Variants in TMBIM4 observed in about 807,000 individuals in gnomAD.
TMBIM4 encodes the protein transmembrane BAX inhibitor motif containing 4.
In TMBIM4, 28 loss-of-function variants were observed where a neutral mutation model predicts 27.7. That is an observed-to-expected ratio of 1.01 (90% CI 0.75 to 1.38). TMBIM4 has a LOEUF of 1.38. Among genes scored for constraint, TMBIM4 ranks in the 40% most tolerant of loss-of-function variants. The probability of loss-of-function intolerance (pLI) is 0.00; values close to 1 mark genes in which losing one functional copy is unlikely to be tolerated. For missense variants in TMBIM4, 265 were observed against 277.5 expected, an observed-to-expected ratio of 0.95 and a Z score of 0.32; for synonymous variants, 115 against 113.1, an observed-to-expected ratio of 1.02 and a Z score of -0.11.
chr12:66,139,725 C>A (rs1430688767), intron 5 of TMBIM4: 2 of 456,042 alleles, frequency 4.4e-6, no homozygotes, highest in Non-Finnish European at 8.8e-6. Context: ...CCCCTAGAGT[C>A]TGTAGCTACA....
Position 66,153,448 on chromosome 12 carries a change from G to T in TMBIM4, c.98C>A (p.Ala33Asp). The T allele has an allele frequency of 1.3e-6, 2 of 1,529,060 alleles. No individual in the cohort carries two copies. Among genetic ancestry groups the T allele is most frequent in the Non-Finnish European group, 1.8e-6 (2 of 1,128,934 alleles). The allele number at this position is 1,529,060 out of a possible 1,614,324, so 94.7% of individuals were successfully genotyped here. A position where few individuals can be genotyped will look rare whatever the true frequency, so the allele number is the denominator to read the frequency against. Residue 33 changes from alanine to aspartate, a missense_variant and splice_region_variant, in exon 2 of 7, where the codon GCC (alanine) becomes GAC (aspartate). Coordinates refer to ENST00000358230, the MANE Select transcript of TMBIM4 (RefSeq NM_016056.4). ...VASATVHIRM[A>D]FLRKVYSILS... ...AATGCTGTAGACTTTTCTCAGAAAGGCTAAAAGAGAAAAAAAATTACATTA... is the reference window on the plus strand; with the variant it reads ...AATGCTGTAGACTTTTCTCAGAAAGTCTAAAAGAGAAAAAAAATTACATTA...
At chr12:66,152,198 T>A (rs981863804) in intron 3 of TMBIM4, 73 bp downstream of exon 3, 4 of 757,488 alleles carry the variant, frequency 5.3e-6, no homozygotes, top group Non-Finnish European at 8.0e-6. Flanking sequence ...CGTTGTTATA[T>A]ATGTATTATA....
intron 1 of TMBIM4, among the ~76,000 whole-genome samples, chr12:66,160,543 AAC>A (rs2052017727): frequency 6.6e-6 from 1 of 152,238 alleles, no homozygotes; most frequent in Non-Finnish European, 1.5e-5. Context: ...AAACTAGCTT[AAC>A]AGACTATATC....
chr12:66,166,256 C>T (rs945276413), intron 1 of TMBIM4, among the ~76,000 whole-genome samples: 4 of 151,834 alleles, frequency 2.6e-5, no homozygotes, highest in African/African-American at 4.8e-5. Context: ...CTTGAGCCCA[C>T]GAGTTTGAGA....
At position 66,142,614 on chromosome 12, in the gene TMBIM4, C is replaced by CT. The variant is rs1367891281; in HGVS notation, c.464+3226dup. Among the ~76,000 whole-genome samples, 5 of 151,976 alleles carry CT rather than the reference C, an allele frequency of 3.3e-5. 1 individual carries two copies. In the South Asian group the frequency reaches 8.3e-4, roughly 25 times the overall value. On this transcript the variant is annotated intron_variant, in intron 5 of 6. Coordinates refer to ENST00000358230, the MANE Select transcript of TMBIM4 (RefSeq NM_016056.4). ...GAACCTTGAATTTAGGGAAGCAAGT[C>CT]TTTTTTATAATGGAAAGTAAACATG... is the stretch of plus-strand genomic sequence containing the variant.
chr12:66,150,939 T>C (rs2051835219), intron 3 of TMBIM4, among the ~76,000 whole-genome samples: 1 of 152,236 alleles, frequency 6.6e-6, no homozygotes, highest in Non-Finnish European at 1.5e-5. Flanking sequence ...TCATCATTTC[T>C]GGAATCTTCC....
intron 1 of TMBIM4, among the ~76,000 whole-genome samples, chr12:66,162,242 C>T (rs1447494317): frequency 6.6e-6 from 1 of 152,124 alleles, no homozygotes; most frequent in African/African-American, 2.4e-5. Flanking sequence ...TCAGTTACCC[C>T]ACAGTCAACT....
chr12:66,159,462 A>G (rs2051998878), intron 1 of TMBIM4, among the ~76,000 whole-genome samples: 1 of 152,060 alleles, frequency 6.6e-6, no homozygotes, highest in Admixed American at 6.5e-5. Context: ...TCTTGACTGG[A>G]GCCTCCAGTC....
chr12:66,162,077 T>TAA (rs11438402), intron 1 of TMBIM4, among the ~76,000 whole-genome samples: 348 of 148,082 alleles, frequency 2.4e-3, no homozygotes, highest in Non-Finnish European at 3.7e-3. Flanking sequence ...CCAACATCAC[T>TAA]AAAAAAAAAA....
chr12:66,150,090 A>AT (rs1245330556), intron 3 of TMBIM4, among the ~76,000 whole-genome samples: 1 of 152,226 alleles, frequency 6.6e-6, no homozygotes, highest in Non-Finnish European at 1.5e-5. Context: ...GCCTATAAGC[A>AT]TTTGGTTGAT....
intron 3 of TMBIM4, among the ~76,000 whole-genome samples, chr12:66,152,018 G>C (rs1047921334): frequency 6.6e-6 from 1 of 152,104 alleles, no homozygotes; most frequent in Non-Finnish European, 1.5e-5. Flanking sequence ...GCCTTGCCAA[G>C]TGTCACATAA....
chr12:66,161,565 T>A (rs1478771709), intron 1 of TMBIM4, among the ~76,000 whole-genome samples: 1 of 152,240 alleles, frequency 6.6e-6, no homozygotes, highest in Non-Finnish European at 1.5e-5. Context: ...GGAGCATTTT[T>A]AACCTTTTAA....
At chr12:66,150,613 A>G (rs1246893574) in intron 3 of TMBIM4, among the ~76,000 whole-genome samples, 3 of 152,092 alleles carry the variant, frequency 2.0e-5, no homozygotes, top group Non-Finnish European at 2.9e-5. Context: ...AGGTCTCACT[A>G]TGTTGCCCGG....
In TMBIM4 at chr12:66,136,131, T is replaced by C. The variant is rs927869561; in HGVS notation, c.*1829A>G. 3 of 148,144 alleles carry C rather than the reference T, an allele frequency of 2.0e-5. No individual in the cohort carries two copies. Among genetic ancestry groups the C allele is most frequent in the African/African-American group, 7.4e-5 (3 of 40,376 alleles). The allele number at this position is 148,144 out of a possible 1,614,324, so 9.2% of individuals were successfully genotyped here. A position where few individuals can be genotyped will look rare whatever the true frequency, so the allele number is the denominator to read the frequency against. On this transcript the variant is annotated 3_prime_UTR_variant, in exon 7 of 7. Coordinates refer to ENST00000358230, the MANE Select transcript of TMBIM4 (RefSeq NM_016056.4). ...ATTAATACCATCAGCTGACATTAATTAAGCACTTAGTTTAGTTTATTTATC... is the reference window on the plus strand; with the variant it reads ...ATTAATACCATCAGCTGACATTAATCAAGCACTTAGTTTAGTTTATTTATC...
chr12:66,151,531 A>G (rs1236868126), intron 3 of TMBIM4, among the ~76,000 whole-genome samples: 1 of 152,184 alleles, frequency 6.6e-6, no homozygotes, highest in Non-Finnish European at 1.5e-5. Flanking sequence ...GAGCCACTGC[A>G]CCCACCCAAG....
At chr12:66,152,484 G>A (rs2051862199) in intron 2 of TMBIM4, 108 bp from the exon 3 acceptor site, 1 of 643,582 alleles carries the variant, frequency 1.6e-6, no homozygotes, top group African/African-American at 1.9e-5. Flanking sequence ...AAGTACAGGG[G>A]AAAAAATCTG....
At chr12:66,160,514 T>C (rs2052017122) in intron 1 of TMBIM4, among the ~76,000 whole-genome samples, 1 of 152,270 alleles carries the variant, frequency 6.6e-6, no homozygotes, top group South Asian at 2.1e-4. Flanking sequence ...TATGAAACTA[T>C]GAAAGACTAC....
At chr12:66,152,948 C>T (rs913198632) in intron 2 of TMBIM4, among the ~76,000 whole-genome samples, 1 of 151,860 alleles carries the variant, frequency 6.6e-6, no homozygotes, top group Admixed American at 6.5e-5. Context: ...CTTTTGAAAA[C>T]TTCTTGGTGA....
chr12:66,159,879 G>A (rs952410150), intron 1 of TMBIM4, among the ~76,000 whole-genome samples: 6 of 152,194 alleles, frequency 3.9e-5, no homozygotes, highest in African/African-American at 7.2e-5. Flanking sequence ...TAACATCTAA[G>A]ACACAGCCTA....
Sources: allele counts gnomAD v4.1 joint callset (sites outside exome capture counted in the v4.1 genomes callset), GRCh38; gene constraint gnomAD v4.1.1; transcripts MANE v1.5; gene names NCBI Gene and HGNC (gene_info 2026-07-23, HGNC 2026-07-21).